Variants in PARL observed in about 807,000 individuals in gnomAD.
PARL encodes the protein presenilin associated rhomboid like.
In PARL, 44 loss-of-function variants were observed where a neutral mutation model predicts 51.6. The observed-to-expected ratio is 0.85, with a 90% confidence interval of 0.67 to 1.10. The LOEUF (loss-of-function observed/expected upper bound fraction) is 1.10, where lower values mean the gene tolerates loss of function less well. Ranked by LOEUF, PARL falls within the 50% of genes least tolerant of loss-of-function variation. The probability of loss-of-function intolerance (pLI) is 0.00; values close to 1 mark genes in which losing one functional copy is unlikely to be tolerated. For missense variants in PARL, 441 were observed against 469.5 expected (o/e 0.94, Z 0.56); for synonymous variants, 172 against 164.0 (o/e 1.05, Z -0.37).
intron 1 of PARL, among the ~76,000 whole-genome samples, chr3:183,870,738 C>T (rs1030554948): frequency 6.6e-6 from 1 of 152,170 alleles, no homozygotes; most frequent in African/African-American, 2.4e-5. Context: ...CGACCCCTTC[C>T]TCTCTCTTGC....
intron 1 of PARL, among the ~76,000 whole-genome samples, chr3:183,882,237 A>T (rs1255156727): frequency 4.5e-5 from 1 of 22,390 alleles, no homozygotes; most frequent in Admixed American, 5.5e-4. Context: ...ATATATATAT[A>T]TATATATTTA....
chr3:183,863,110 A>T (rs1732030622), intron 3 of PARL, among the ~76,000 whole-genome samples: 1 of 152,210 alleles, frequency 6.6e-6, no homozygotes. Flanking sequence ...ACAAGGAATA[A>T]CAATAATGTA....
At chr3:183,875,314 T>C (rs983217123) in intron 1 of PARL, among the ~76,000 whole-genome samples, 8 of 149,394 alleles carry the variant, frequency 5.4e-5, no homozygotes, top group Middle Eastern at 3.5e-3. Context: ...ACTGGGGAGG[T>C]TGAGGCAGGA....
intron 4 of PARL, among the ~76,000 whole-genome samples, chr3:183,846,034 C>T (rs888460223): frequency 1.3e-5 from 2 of 152,056 alleles, no homozygotes; most frequent in Non-Finnish European, 2.9e-5. Context: ...TGAAAAATGG[C>T]AACGACTACT....
At chr3:183,867,201 G>A (rs1732597633) in intron 2 of PARL, among the ~76,000 whole-genome samples, 1 of 152,032 alleles carries the variant, frequency 6.6e-6, no homozygotes, top group Non-Finnish European at 1.5e-5. Context: ...ATGAGCCACT[G>A]TGCCTGGCCA....
chr3:183,877,170 T>C (rs7641295), intron 1 of PARL, among the ~76,000 whole-genome samples: 82,811 of 152,008 alleles, frequency 0.54, 22,880 homozygotes, highest in Middle Eastern at 0.62. Flanking sequence ...GCCAAGATCG[T>C]GCCATTGCAC....
chr3:183,828,176 T>C (rs1727565137), downstream of PARL, among the ~76,000 whole-genome samples: 1 of 152,242 alleles, frequency 6.6e-6, no homozygotes, highest in African/African-American at 2.4e-5. Context: ...GACCAGGAGA[T>C]GCTACAGGGA....
At chr3:183,871,267 G>A (rs1053644307) in intron 1 of PARL, among the ~76,000 whole-genome samples, 2 of 151,944 alleles carry the variant, frequency 1.3e-5, no homozygotes, top group African/African-American at 4.8e-5. Flanking sequence ...CTATACTCAA[G>A]GTGGTACTAT....
chr3:183,845,034 A>G (rs899728529), intron 4 of PARL, among the ~76,000 whole-genome samples: 1 of 152,206 alleles, frequency 6.6e-6, no homozygotes, highest in Non-Finnish European at 1.5e-5. Flanking sequence ...AAATATATTA[A>G]TTTTATGAAT....
intron 1 of PARL, among the ~76,000 whole-genome samples, chr3:183,876,630 AAAAAAAAAG>A (rs1311147312): frequency 2.5e-5 from 3 of 122,338 alleles, no homozygotes; most frequent in African/African-American, 6.6e-5. Context: ...AAAAAAAAAA[AAAAAAAAAG>A]AAAAAGAAAA....
intron 1 of PARL, among the ~76,000 whole-genome samples, 183 bp from the exon 2 acceptor site, chr3:183,868,243 G>C (rs1048280926): frequency 2.6e-5 from 4 of 152,130 alleles, no homozygotes; most frequent in Non-Finnish European, 5.9e-5. Context: ...TTCTGGAAAA[G>C]GTGACACACA....
At chr3:183,850,793 C>T (rs7640729) in intron 4 of PARL, among the ~76,000 whole-genome samples, 62,715 of 151,950 alleles carry the variant, frequency 0.41, 13,580 homozygotes, top group Middle Eastern at 0.55. Context: ...AAATCATGAC[C>T]AAGTGGAATT....
chr3:183,862,890 A>T (rs188452949), intron 3 of PARL, 89 bp from the exon 4 acceptor site: 18 of 993,686 alleles, frequency 1.8e-5, no homozygotes, highest in Admixed American at 1.0e-4. Flanking sequence ...CGCACATAAG[A>T]GGAATTCCTC....
At chr3:183,831,268 G>A (rs537846590) in intron 9 of PARL, among the ~76,000 whole-genome samples, 8 of 152,306 alleles carry the variant, frequency 5.3e-5, no homozygotes, top group East Asian at 3.9e-4. Flanking sequence ...GAGCCACTGC[G>A]CCCGGCCACC....
chr3:183,839,298 T>C (rs1729015012), intron 7 of PARL, among the ~76,000 whole-genome samples: 1 of 152,222 alleles, frequency 6.6e-6, no homozygotes, highest in African/African-American at 2.4e-5. Flanking sequence ...TGCATTTAAA[T>C]GAATTAGTAT....
At position 183,829,820 on chromosome 3, in the gene PARL, T is replaced by C. The variant is rs1007855461; in HGVS notation, c.1029-111A>G. ...TTTTAAAATCGAATGCCACTCACTA[T>C]GTAGCCGATTAAAACTGACTCACAT... On this transcript the variant is annotated intron_variant, in intron 9 of 9. Coordinates refer to ENST00000317096, the MANE Select transcript of PARL (RefSeq NM_018622.7). The C allele has an allele frequency of 6.4e-5, 55 of 853,678 alleles. No homozygotes were observed. In the Admixed American group the frequency reaches 9.7e-4, roughly 15 times the overall value. 52.9% of individuals were successfully genotyped at this position (853,678 alleles called of 1,614,324 possible).
At chr3:183,879,688 C>T (rs1734214035) in intron 1 of PARL, 1 of 859,148 alleles carries the variant, frequency 1.2e-6, no homozygotes, top group Admixed American at 6.5e-5. Flanking sequence ...GGTACATTTT[C>T]TCTTTTTAAT....
At chr3:183,882,441 A>G in intron 1 of PARL, among the ~76,000 whole-genome samples, 1 of 144,636 alleles carries the variant, frequency 6.9e-6, no homozygotes, top group Admixed American at 6.7e-5. Context: ...AGAGAAAGAG[A>G]GAGACTATCA....
chr3:183,837,249 A>G (rs1283201883), intron 7 of PARL, among the ~76,000 whole-genome samples: 2 of 152,184 alleles, frequency 1.3e-5, no homozygotes, highest in Non-Finnish European at 2.9e-5. Context: ...GAAGCCTGAG[A>G]TTCAATCAAT....
Sources: allele counts gnomAD v4.1 joint callset (sites outside exome capture counted in the v4.1 genomes callset), GRCh38; gene constraint gnomAD v4.1.1; transcripts MANE v1.5; gene names NCBI Gene and HGNC (gene_info 2026-07-23, HGNC 2026-07-21).